The following COL5A2 variants were observed in gnomAD, a reference collection of about 807,000 sequenced individuals.
COL5A2 encodes collagen alpha-2(V) chain.
A neutral mutation model predicts 208.2 loss-of-function variants in COL5A2; 23 were observed. The observed-to-expected ratio is 0.11, with a 90% CI of 0.08 to 0.16. The LOEUF (loss-of-function observed/expected upper bound fraction) is 0.16, where lower values mean the gene tolerates loss of function less well. Among genes scored for constraint, COL5A2 ranks in the 10% least tolerant of loss-of-function variants. The pLI is 1.00. For missense variants in COL5A2, 1,590 were observed against 1,956.4 expected, an observed-to-expected ratio of 0.81 and a Z score of 3.53; for synonymous variants, 625 against 628.5, an observed-to-expected ratio of 0.99 and a Z score of 0.08.
intron 18 of COL5A2, among the ~76,000 whole-genome samples, chr2:189,070,671 G>T (rs906867536): frequency 1.3e-5 from 2 of 152,170 alleles, no homozygotes; most frequent in Admixed American, 6.6e-5. Context: ...ACCTCTTTCT[G>T]CTAATTCATA....
the COL5A2 span, among the ~76,000 whole-genome samples, chr2:189,320,674 C>T: frequency 6.6e-6 from 1 of 152,238 alleles, no homozygotes; most frequent in South Asian, 2.1e-4. Context: ...TGTGAAAAGA[C>T]CAAATCTACG....
the COL5A2 span, among the ~76,000 whole-genome samples, chr2:189,286,848 T>A: frequency 2.6e-5 from 4 of 152,300 alleles, no homozygotes; most frequent in East Asian, 5.8e-4. Context: ...TATTCTAACA[T>A]AGGAAATAAT....
chr2:189,380,548 T>TA, the COL5A2 span, among the ~76,000 whole-genome samples: 1 of 151,824 alleles, frequency 6.6e-6, no homozygotes, highest in Non-Finnish European at 1.5e-5. Context: ...GTTAATTATT[T>TA]AAAAACCTCT....
the COL5A2 span, among the ~76,000 whole-genome samples, chr2:189,349,004 T>C: frequency 6.6e-6 from 1 of 152,182 alleles, no homozygotes; most frequent in Admixed American, 6.6e-5. Context: ...AATTAAATAA[T>C]TTTTTCAAAG....
chr2:189,094,065 T>C (rs574601706), intron 6 of COL5A2, among the ~76,000 whole-genome samples: 2 of 152,332 alleles, frequency 1.3e-5, no homozygotes, highest in South Asian at 2.1e-4. Flanking sequence ...TTGAGAAATA[T>C]TCATTAGTCC....
At chr2:189,066,284 AC>A in intron 23 of COL5A2, 105 bp downstream of exon 23, 1 of 1,034,480 alleles carries the variant, frequency 9.7e-7, no homozygotes, top group Admixed American at 1.7e-5. Context: ...TGTGCAGGGA[AC>A]CTGCAAGCAT....
At chr2:189,347,192 C>T in the COL5A2 span, among the ~76,000 whole-genome samples, 1 of 152,128 alleles carries the variant, frequency 6.6e-6, no homozygotes, top group African/African-American at 2.4e-5. Flanking sequence ...AAATTACTTG[C>T]ACAACTTTGC....
chr2:189,184,518 T>A (rs959971888), upstream of COL5A2, among the ~76,000 whole-genome samples: 6 of 152,184 alleles, frequency 3.9e-5, no homozygotes, highest in African/African-American at 1.4e-4. Flanking sequence ...AAAATCTATT[T>A]CCTTGTTTTT....
chr2:189,115,916 G>A (rs1377998029), intron 1 of COL5A2, among the ~76,000 whole-genome samples: 3 of 151,998 alleles, frequency 2.0e-5, no homozygotes, highest in Non-Finnish European at 2.9e-5. Flanking sequence ...TTTTTTGAAT[G>A]AAAGGGAATG....
At chr2:189,424,627 T>A in the COL5A2 span, among the ~76,000 whole-genome samples, 8 of 143,784 alleles carry the variant, frequency 5.6e-5, no homozygotes, top group Middle Eastern at 7.0e-3. Context: ...ATGAAAGAAA[T>A]CTACACTGAA....
At chr2:189,293,396 C>A in the COL5A2 span, among the ~76,000 whole-genome samples, 1 of 152,096 alleles carries the variant, frequency 6.6e-6, no homozygotes, top group East Asian at 1.9e-4. Context: ...TTAACTTTTC[C>A]CTCAGCTAGG....
At chr2:189,402,483 G>A in the COL5A2 span, among the ~76,000 whole-genome samples, 1 of 152,284 alleles carries the variant, frequency 6.6e-6, no homozygotes, top group South Asian at 2.1e-4. Flanking sequence ...CCCCCAAAGG[G>A]GCCAAGACAC....
chr2:189,397,240 CTCT>C, the COL5A2 span, among the ~76,000 whole-genome samples: 1 of 151,944 alleles, frequency 6.6e-6, no homozygotes, highest in African/African-American at 2.4e-5. Context: ...AGTAACAGTT[CTCT>C]TCTTTTTTAA....
chr2:189,328,063 T>C, the COL5A2 span, among the ~76,000 whole-genome samples: 1 of 152,210 alleles, frequency 6.6e-6, no homozygotes, highest in Non-Finnish European at 1.5e-5. Context: ...AACTTCATTC[T>C]TTCTCTATTT....
chr2:189,134,054 G>T (rs953325947), intron 1 of COL5A2, among the ~76,000 whole-genome samples: 2 of 152,032 alleles, frequency 1.3e-5, no homozygotes, highest in Admixed American at 1.3e-4. Flanking sequence ...ATGATATGCT[G>T]ATTGATTTCT....
upstream of COL5A2, among the ~76,000 whole-genome samples, chr2:189,180,361 T>C (rs73980173): frequency 0.03 from 4,508 of 152,332 alleles, 79 homozygotes; most frequent in Admixed American, 0.046. Flanking sequence ...TACATTGTAA[T>C]TTGAATTAAG....
chr2:189,262,266 A>C, the COL5A2 span, among the ~76,000 whole-genome samples: 11 of 152,064 alleles, frequency 7.2e-5, no homozygotes, highest in Non-Finnish European at 1.6e-4. Context: ...AAAGGACACC[A>C]CCTGTCCAAA....
the COL5A2 span, among the ~76,000 whole-genome samples, chr2:189,418,526 C>A: frequency 5.3e-5 from 8 of 152,118 alleles, no homozygotes; most frequent in African/African-American, 1.9e-4. Flanking sequence ...AGAAAATAAC[C>A]ACAGAACAGG....
the COL5A2 span, among the ~76,000 whole-genome samples, chr2:189,293,125 G>A: frequency 1.3e-5 from 2 of 151,412 alleles, no homozygotes; most frequent in African/African-American, 4.9e-5. Flanking sequence ...GAGTGGGGAG[G>A]GATAGCATTA....
Sources: gnomAD v4.1 joint callset for allele counts (sites outside exome capture counted in the v4.1 genomes callset) on GRCh38, gnomAD v4.1.1 for gene constraint, MANE v1.5 for transcripts, NCBI Gene and HGNC (gene_info 2026-07-23, HGNC 2026-07-21) for gene names.